EXT1: variants seen among roughly 807,000 people sequenced by gnomAD.
The protein encoded by EXT1 is exostosin-1.
Under a neutral mutation model 82.5 loss-of-function variants are expected in EXT1, and 20 were observed. The ratio of observed to expected loss-of-function variants is 0.24; its 90% CI spans 0.17 to 0.35. EXT1 has a LOEUF of 0.35. Ranked by LOEUF, EXT1 falls within the 10% of genes least tolerant of loss-of-function variation. EXT1 has a pLI of 1.00. For synonymous variants in EXT1, 348 were observed against 350.8 expected (o/e 0.99, Z 0.09); for missense variants, 757 against 936.5 (o/e 0.81, Z 2.50).
chr8:118,065,798 C>A (rs1816975093), intron 1 of EXT1, among the ~76,000 whole-genome samples: 1 of 152,192 alleles, frequency 6.6e-6, no homozygotes, highest in Non-Finnish European at 1.5e-5. Flanking sequence ...AGTGGGTGGG[C>A]ATTTTTAAAT....
At chr8:118,042,752 T>G (rs865890873) in intron 1 of EXT1, among the ~76,000 whole-genome samples, 6 of 152,342 alleles carry the variant, frequency 3.9e-5, no homozygotes, top group African/African-American at 1.4e-4. Flanking sequence ...TACAACACCA[T>G]GTCCAAAACC....
At chr8:117,801,504 AT>A (rs770246015) in intron 10 of EXT1, among the ~76,000 whole-genome samples, 5 of 150,498 alleles carry the variant, frequency 3.3e-5, no homozygotes, top group South Asian at 2.1e-4. Context: ...TTTGTGGGCC[AT>A]TTTTTTTTCT....
intron 1 of EXT1, among the ~76,000 whole-genome samples, chr8:117,975,913 C>A (rs1815056042): frequency 6.6e-6 from 1 of 152,064 alleles, no homozygotes; most frequent in African/African-American, 2.4e-5. Context: ...TAGTGTTGAC[C>A]CTCGACGCTT....
At chr8:117,891,339 C>T (rs956488843) in intron 1 of EXT1, among the ~76,000 whole-genome samples, 7 of 152,174 alleles carry the variant, frequency 4.6e-5, no homozygotes, top group African/African-American at 1.4e-4. Flanking sequence ...ACATGTAAAA[C>T]TCCTATCATT....
chr8:117,944,242 C>CA (rs896597983), intron 1 of EXT1, among the ~76,000 whole-genome samples: 8 of 151,798 alleles, frequency 5.3e-5, no homozygotes, highest in South Asian at 2.1e-4. Context: ...CAAAAAAATA[C>CA]AAAAAAAACT....
At chr8:118,051,110 T>C (rs1463474639) in intron 1 of EXT1, among the ~76,000 whole-genome samples, 3 of 152,106 alleles carry the variant, frequency 2.0e-5, no homozygotes, top group Non-Finnish European at 4.4e-5. Context: ...CCGAGGTGGG[T>C]GGATCACTTG....
chr8:117,989,529 C>T (rs755436189), intron 1 of EXT1, among the ~76,000 whole-genome samples: 31 of 152,166 alleles, frequency 2.0e-4, no homozygotes, highest in Admixed American at 3.3e-4. Flanking sequence ...CTGACCAACT[C>T]CAAAGTCCAT....
At chr8:117,981,908 A>G (rs17504988) in intron 1 of EXT1, among the ~76,000 whole-genome samples, 2,993 of 152,030 alleles carry the variant, frequency 0.02, 40 homozygotes, top group African/African-American at 0.031. Context: ...AAGGAGGGAG[A>G]GAAGGAGGGA....
intron 1 of EXT1, among the ~76,000 whole-genome samples, chr8:118,067,467 G>C (rs1003044328): frequency 1.3e-5 from 2 of 152,244 alleles, no homozygotes; most frequent in African/African-American, 4.8e-5. Context: ...CTGACTGCTT[G>C]AGAGAGCCAC....
chr8:118,089,750 T>C (rs7828074), intron 1 of EXT1, among the ~76,000 whole-genome samples: 1 of 152,340 alleles, frequency 6.6e-6, no homozygotes, highest in East Asian at 1.9e-4. Context: ...AAAACTCTTA[T>C]GTGCTAGAAG....
Position 117,796,641 on chromosome 8 carries a change from C to T in EXT1, c.*3071G>A, listed in dbSNP as rs942122617. On this transcript the variant is annotated 3_prime_UTR_variant, in exon 11 of 11. Coordinates refer to ENST00000378204, the MANE Select transcript of EXT1 (RefSeq NM_000127.3). ...TTAAACTGTAATGCACATAAGATTC[C>T]AGTAACAAGCTTTCCCTTTTTTTTT... 2 of 152,100 alleles carry T rather than the reference C, an allele frequency of 1.3e-5. No individual in the cohort carries two copies. Among genetic ancestry groups the T allele is most frequent in the Admixed American group, 6.6e-5 (1 of 15,262 alleles). 9.4% of individuals were successfully genotyped at this position (152,100 alleles called of 1,614,324 possible).
rs899096941 is a variant in EXT1, at chr8:118,068,585, T to C, written c.962+41500A>G. 6.6e-5 allele frequency among the ~76,000 whole-genome samples: 10 copies of C among 152,092 alleles called. No homozygotes were observed. In the East Asian group the frequency reaches 1.2e-3, roughly 18 times the overall value. On this transcript the variant is annotated intron_variant, in intron 1 of 10. Transcript: ENST00000378204. ...TTGTAAGTGAGAACATGCACAGCAG[T>C]TTTTTTTAATCCCCATGTTAAATAG...
At chr8:117,925,725 A>C (rs1468718704) in intron 1 of EXT1, among the ~76,000 whole-genome samples, 3 of 146,938 alleles carry the variant, frequency 2.0e-5, no homozygotes, top group African/African-American at 7.5e-5. Context: ...AAAAAAAAAG[A>C]AAGAAAGAAA....
At chr8:117,988,854 C>G (rs1200555648) in intron 1 of EXT1, among the ~76,000 whole-genome samples, 3 of 152,124 alleles carry the variant, frequency 2.0e-5, no homozygotes, top group Middle Eastern at 3.2e-3. Flanking sequence ...AGTGGCCACA[C>G]AGAGACAGTC....
At chr8:117,801,920 A>C (rs1015402761) in intron 10 of EXT1, among the ~76,000 whole-genome samples, 1 of 152,180 alleles carries the variant, frequency 6.6e-6, no homozygotes, top group Non-Finnish European at 1.5e-5. Flanking sequence ...CTATTCAAAA[A>C]ATTTTTTTTA....
chr8:118,094,451 A>T (rs1817574189), intron 1 of EXT1, among the ~76,000 whole-genome samples: 1 of 152,256 alleles, frequency 6.6e-6, no homozygotes, highest in Non-Finnish European at 1.5e-5. Flanking sequence ...AAATGAAATT[A>T]AAACCATGAT....
At chr8:118,020,598 T>G (rs1369099404) in intron 1 of EXT1, among the ~76,000 whole-genome samples, 1 of 151,806 alleles carries the variant, frequency 6.6e-6, no homozygotes, top group Non-Finnish European at 1.5e-5. Context: ...CATAGTCTTC[T>G]TTGATTAAAA....
intron 1 of EXT1, among the ~76,000 whole-genome samples, chr8:117,910,750 C>G (rs1387193237): frequency 2.0e-5 from 3 of 152,216 alleles, no homozygotes; most frequent in Admixed American, 2.0e-4. Context: ...AGCCTAGCAA[C>G]AGGACCAAAT....
At chr8:117,922,659 G>T (rs1241777331) in intron 1 of EXT1, among the ~76,000 whole-genome samples, 5 of 152,064 alleles carry the variant, frequency 3.3e-5, no homozygotes, top group Non-Finnish European at 7.4e-5. Flanking sequence ...CCTTGTTAGG[G>T]ATATAAATGG....
Sources: gnomAD v4.1 joint callset for allele counts (sites outside exome capture counted in the v4.1 genomes callset) on GRCh38, gnomAD v4.1.1 for gene constraint, MANE v1.5 for transcripts, NCBI Gene and HGNC (gene_info 2026-07-23, HGNC 2026-07-21) for gene names.